The following B3GLCT variants were observed in gnomAD, a reference collection of about 807,000 sequenced individuals.
The protein encoded by B3GLCT is beta 3-glucosyltransferase.
In B3GLCT, 65 loss-of-function variants were observed where a neutral mutation model predicts 63.4. The ratio of observed to expected loss-of-function variants is 1.03; its 90% CI spans 0.84 to 1.26. The LOEUF (loss-of-function observed/expected upper bound fraction) is 1.26, where lower values mean the gene tolerates loss of function less well. B3GLCT is among the 50% of genes most tolerant of loss of function. The pLI, the probability that B3GLCT is intolerant of heterozygous loss-of-function variation, is 0.00. For missense variants in B3GLCT, 577 were observed against 604.8 expected (o/e 0.95, Z 0.48); for synonymous variants, 233 against 219.2 (o/e 1.06, Z -0.55).
chr13:31,257,383 T>G (rs1871795359), intron 6 of B3GLCT, among the ~76,000 whole-genome samples: 2 of 152,068 alleles, frequency 1.3e-5, no homozygotes, highest in Admixed American at 1.3e-4. Context: ...TTTTAAGGTG[T>G]TGTATTTTTC....
chr13:31,273,459 T>C (rs1171566016), intron 8 of B3GLCT, among the ~76,000 whole-genome samples: 1 of 152,098 alleles, frequency 6.6e-6, no homozygotes, highest in Non-Finnish European at 1.5e-5. Context: ...TTTCTCACGT[T>C]TTAAAGTTTT....
In B3GLCT at chr13:31,229,207, C is replaced by A; in HGVS notation, c.183C>A (p.Val61=). 1 of 1,609,580 alleles carries A rather than the reference C, an allele frequency of 6.2e-7. No homozygotes were observed. The highest frequency in any genetic ancestry group is 8.5e-7 in the Non-Finnish European group (1 of 1,176,040). ...TAGACTTAAAAGGAATTGTATTCGT[C>A]ATCCAGAGTCAAAGTAATTCTTTTC... ...NDIDLKGIVF[V]IQSQSNSFHA... Residue 61 remains valine, a synonymous_variant, in exon 4 of 15, where the codon GTC becomes GTA. Transcript: ENST00000343307.
chr13:31,225,161 G>A (rs116445515), intron 3 of B3GLCT, among the ~76,000 whole-genome samples: 2,355 of 152,264 alleles, frequency 0.015, 68 homozygotes, highest in African/African-American at 0.054. Context: ...CTTAGTGTGC[G>A]GCCCATTTAT....
chr13:31,210,057 G>T (rs373658990), intron 1 of B3GLCT, among the ~76,000 whole-genome samples: 1 of 152,134 alleles, frequency 6.6e-6, no homozygotes, highest in African/African-American at 2.4e-5. Context: ...CTTGCACTCC[G>T]GGGCTTAGGC....
chr13:31,272,662 A>T (rs749432974), intron 8 of B3GLCT, among the ~76,000 whole-genome samples: 41 of 152,296 alleles, frequency 2.7e-4, no homozygotes, highest in Admixed American at 7.2e-4. Context: ...TAACCTAACA[A>T]TGGTTTATTA....
chr13:31,261,326 C>G (rs1025436104), intron 7 of B3GLCT, among the ~76,000 whole-genome samples: 2 of 152,210 alleles, frequency 1.3e-5, no homozygotes, highest in Non-Finnish European at 2.9e-5. Flanking sequence ...CCAAAGATAA[C>G]AAGTTGTGAG....
Position 31,296,138 on chromosome 13 carries a change from C to CCA in B3GLCT, c.1064+9321_1064+9322dup, listed in dbSNP as rs1873931955. 2.0e-5 allele frequency among the ~76,000 whole-genome samples: 3 copies of CCA among 152,296 alleles called. No individual in the cohort carries two copies. In the South Asian group the frequency reaches 6.2e-4, roughly 32 times the overall value. ...TGTTTCTGCTCGCCCTCTGTGGGCT[C>CCA]CACCCACTGTCCAACCAGTCCCAAT... On this transcript the variant is annotated intron_variant, in intron 12 of 14. Transcript: ENST00000343307.
intron 1 of B3GLCT, among the ~76,000 whole-genome samples, chr13:31,208,594 GC>G (rs58224912): frequency 0.15 from 16,500 of 113,056 alleles, 2,208 homozygotes; most frequent in East Asian, 0.45. Context: ...CTGTCTCAGA[GC>G]CTGCAGCTTC....
intron 7 of B3GLCT, among the ~76,000 whole-genome samples, chr13:31,264,689 A>G (rs1424676148): frequency 6.6e-6 from 1 of 152,186 alleles, no homozygotes; most frequent in South Asian, 2.1e-4. Context: ...AGAAACTGGT[A>G]TTATACTCAG....
intron 14 of B3GLCT, among the ~76,000 whole-genome samples, chr13:31,329,174 C>T (rs1379316044): frequency 6.6e-6 from 1 of 152,132 alleles, no homozygotes; most frequent in African/African-American, 2.4e-5. Flanking sequence ...TGTCTTTGTG[C>T]AGAAGTGATA....
chr13:31,266,274 C>CA (rs1438393662), intron 7 of B3GLCT, among the ~76,000 whole-genome samples: 1 of 152,022 alleles, frequency 6.6e-6, no homozygotes, highest in African/African-American at 2.4e-5. Context: ...GTGATCCGCC[C>CA]ACCTCAGCCT....
chr13:31,300,002 A>T (rs1019669285), intron 12 of B3GLCT, among the ~76,000 whole-genome samples: 2 of 152,192 alleles, frequency 1.3e-5, no homozygotes, highest in African/African-American at 4.8e-5. Flanking sequence ...AGGAAAATGC[A>T]TCCAATACAG....
At chr13:31,239,021 A>C (rs1016915173) in intron 4 of B3GLCT, among the ~76,000 whole-genome samples, 4 of 152,214 alleles carry the variant, frequency 2.6e-5, no homozygotes, top group Non-Finnish European at 1.5e-5. Context: ...AGGGAAAATG[A>C]GCTGGAGGAC....
intron 8 of B3GLCT, among the ~76,000 whole-genome samples, chr13:31,272,851 TG>T (rs1378920035): frequency 6.6e-6 from 1 of 152,206 alleles, no homozygotes; most frequent in African/African-American, 2.4e-5. Context: ...TATTTGCCAT[TG>T]TTTTTGCTTA....
chr13:31,202,052 A>C (rs1015378488), intron 1 of B3GLCT, among the ~76,000 whole-genome samples: 4 of 152,192 alleles, frequency 2.6e-5, no homozygotes, highest in Non-Finnish European at 5.9e-5. Context: ...GACACGTATA[A>C]AGATGTCCCC....
intron 4 of B3GLCT, among the ~76,000 whole-genome samples, chr13:31,233,875 A>T (rs1870502654): frequency 1.3e-5 from 2 of 152,170 alleles, no homozygotes; most frequent in South Asian, 4.1e-4. Context: ...TGAACCTCTC[A>T]TTCATTCTTT....
At chr13:31,274,405 C>A in intron 8 of B3GLCT, 104 bp from the exon 9 acceptor site, 1 of 1,457,600 alleles carries the variant, frequency 6.9e-7, no homozygotes, top group Non-Finnish European at 9.6e-7. Flanking sequence ...TCAGCCTACT[C>A]TCTATGGAAG....
chr13:31,205,045 G>A (rs1324124953), intron 1 of B3GLCT, among the ~76,000 whole-genome samples: 1 of 152,090 alleles, frequency 6.6e-6, no homozygotes, highest in Non-Finnish European at 1.5e-5. Flanking sequence ...TTTTTGAAAT[G>A]TACTTTGACT....
intron 12 of B3GLCT, among the ~76,000 whole-genome samples, chr13:31,314,078 C>T (rs150567973): frequency 1.3e-5 from 2 of 152,342 alleles, no homozygotes; most frequent in East Asian, 3.9e-4. Flanking sequence ...TTGAGAACCT[C>T]TGCCTAGATT....
Sources: gnomAD v4.1 joint callset for allele counts (sites outside exome capture counted in the v4.1 genomes callset) on GRCh38, gnomAD v4.1.1 for gene constraint, MANE v1.5 for transcripts, NCBI Gene and HGNC (gene_info 2026-07-23, HGNC 2026-07-21) for gene names.